The following UNC79 variants were observed in gnomAD, a reference collection of about 807,000 sequenced individuals.
UNC79 encodes the protein protein unc-79 homolog.
A neutral mutation model predicts 283.1 loss-of-function variants in UNC79; 37 were observed. The ratio of observed to expected loss-of-function variants is 0.13; its 90% CI spans 0.10 to 0.17. UNC79 has a LOEUF of 0.17. Ranked by LOEUF, UNC79 falls within the 10% of genes least tolerant of loss-of-function variation. The pLI is 1.00. For synonymous variants in UNC79, 1,107 were observed against 1,200.2 expected (o/e 0.92, Z 1.61); for missense variants, 2,272 against 3,211.1 (o/e 0.71, Z 7.07).
At chr14:93,620,269 CA>C (rs779330012) in intron 29 of UNC79, among the ~76,000 whole-genome samples, 7 of 152,158 alleles carry the variant, frequency 4.6e-5, no homozygotes, top group Non-Finnish European at 1.0e-4. Context: ...TTTACTCTTT[CA>C]GTCCATAATC....
intron 2 of UNC79, among the ~76,000 whole-genome samples, chr14:93,471,254 C>T (rs528183788): frequency 1.1e-3 from 169 of 152,220 alleles, no homozygotes; most frequent in African/African-American, 4.0e-3. Flanking sequence ...TACATAGATT[C>T]AACTCAAATG....
chr14:93,373,440 T>C (rs2054494717), intron 1 of UNC79, among the ~76,000 whole-genome samples: 1 of 151,932 alleles, frequency 6.6e-6, no homozygotes, highest in Non-Finnish European at 1.5e-5. Flanking sequence ...AAATTACTAA[T>C]ATCAGAAGTG....
intron 41 of UNC79, among the ~76,000 whole-genome samples, chr14:93,675,944 C>A (rs1007496727): frequency 2.6e-5 from 4 of 152,298 alleles, no homozygotes; most frequent in South Asian, 2.1e-4. Context: ...TAAAGAGAAA[C>A]CAACTTTGCA....
chr14:93,386,927 CTTTTTTTTTTTTTTTTT>C lies in UNC79; in HGVS notation c.-351+53420_-351+53436del, dbSNP rs35267402. ...TTCATTTCAATTTCATGTATTTCTG[CTTTTTTTTTTTTTTTTT>C]TTTTTTTTTTTTTTTGAGACGGAGT... On this transcript the variant is annotated intron_variant, in intron 1 of 49. Coordinates refer to the UNC79 transcript ENST00000256339. Among the ~76,000 whole-genome samples the C allele has an allele frequency of 8.5e-4, 23 of 27,164 alleles. 2 individuals are homozygous for C. Among genetic ancestry groups the C allele is most frequent in the Non-Finnish European group, 4.3e-4 (7 of 16,378 alleles). 17.8% of individuals were successfully genotyped at this position (27,164 alleles called of 152,430 possible).
At chr14:93,577,013 G>T (rs760405046) in intron 17 of UNC79, among the ~76,000 whole-genome samples, 45 of 117,640 alleles carry the variant, frequency 3.8e-4, no homozygotes, top group Non-Finnish European at 7.9e-4. Flanking sequence ...AGCTGGGCCT[G>T]GTGGAGACCT....
intron 46 of UNC79, among the ~76,000 whole-genome samples, chr14:93,692,307 T>C (rs1217984817): frequency 6.6e-6 from 1 of 152,174 alleles, no homozygotes; most frequent in African/African-American, 2.4e-5. Context: ...CATTCCACAA[T>C]GTATATCTAT....
intron 14 of UNC79, among the ~76,000 whole-genome samples, chr14:93,552,730 T>G (rs1447098367): frequency 6.6e-6 from 1 of 152,180 alleles, no homozygotes; most frequent in African/African-American, 2.4e-5. Flanking sequence ...TGCTGGAACT[T>G]TGTTTTGTAA....
chr14:93,416,027 C>T (rs9740155), intron 1 of UNC79, among the ~76,000 whole-genome samples: 103,806 of 148,440 alleles, frequency 0.7, 36,603 homozygotes, highest in Middle Eastern at 0.77. Flanking sequence ...TCCTTCAGTT[C>T]TGCTCTGATT....
At position 93,678,878 on chromosome 14, in the gene UNC79, A is replaced by C. The variant is rs184079992; in HGVS notation, c.6742-3739A>C. On this transcript the variant is annotated intron_variant, in intron 41 of 48. Transcript: ENST00000555664. ...AGATAGGAAAGAATTTGCTGAATAG[A>C]AAAATGTCATTTCAGAGTCCAAATT... is the stretch of plus-strand genomic sequence containing the variant. Among the ~76,000 whole-genome samples, 15 of 152,358 alleles carry C rather than the reference A, an allele frequency of 9.8e-5. 1 individual carries two copies. In the East Asian group the frequency reaches 2.9e-3, roughly 29 times the overall value.
chr14:93,556,683 AG>A (rs1464815436), intron 14 of UNC79, among the ~76,000 whole-genome samples: 4 of 34,652 alleles, frequency 1.2e-4, no homozygotes, highest in African/African-American at 1.6e-4. Context: ...CAATTGACTG[AG>A]AAAAAAAAAA....
intron 1 of UNC79, among the ~76,000 whole-genome samples, chr14:93,443,879 G>T (rs969566923): frequency 1.3e-5 from 2 of 152,102 alleles, no homozygotes; most frequent in African/African-American, 4.8e-5. Context: ...AATTTGGGTT[G>T]TTTTCAGTTT....
At chr14:93,670,853 A>G (rs2072772341) in intron 40 of UNC79, among the ~76,000 whole-genome samples, 1 of 152,236 alleles carries the variant, frequency 6.6e-6, no homozygotes. Context: ...TACAAAAAGA[A>G]TCAGTTTGGG....
chr14:93,651,733 CCTTTTGTTT>C (rs2070284039), intron 35 of UNC79, among the ~76,000 whole-genome samples: 2 of 151,418 alleles, frequency 1.3e-5, no homozygotes, highest in African/African-American at 4.9e-5. Flanking sequence ...GATCTTTATG[CCTTTTGTTT>C]CTTTTGTTTT....
chr14:93,486,146 T>G (rs1036254775), intron 4 of UNC79, among the ~76,000 whole-genome samples: 2 of 152,210 alleles, frequency 1.3e-5, no homozygotes, highest in Non-Finnish European at 2.9e-5. Context: ...TTCTCTATTA[T>G]GTTTAGAAAT....
At chr14:93,554,297 G>C (rs1056701957) in intron 14 of UNC79, among the ~76,000 whole-genome samples, 2 of 150,144 alleles carry the variant, frequency 1.3e-5, no homozygotes, top group African/African-American at 4.9e-5. Context: ...GCAGTGAGTT[G>C]AGACCATGCC....
chr14:93,611,755 G>A (rs1395156032), intron 26 of UNC79, among the ~76,000 whole-genome samples: 2 of 151,918 alleles, frequency 1.3e-5, no homozygotes, highest in African/African-American at 4.8e-5. Flanking sequence ...ATGTTTCCTT[G>A]CAGAATGAGA....
intron 31 of UNC79, 85 bp downstream of exon 33, chr14:93,630,993 G>T: frequency 8.2e-7 from 1 of 1,226,682 alleles, no homozygotes; most frequent in East Asian, 2.4e-5. Flanking sequence ...TCCCAATCTT[G>T]GTATTGTATA....
Position 93,360,215 on chromosome 14 carries a change from A to G in UNC79, c.-351+26692A>G, listed in dbSNP as rs2054191585. Among the ~76,000 whole-genome samples, 2 of 152,178 alleles carry G rather than the reference A, an allele frequency of 1.3e-5. 1 individual carries two copies. The highest frequency in any genetic ancestry group is 4.1e-4 in the South Asian group (2 of 4,832). The stretch of plus-strand genomic sequence containing the variant: ...CTCCCTGACTGGTAGGATGAGGGCT[A>G]TTATGGTGGTAAGGGCTGAATAGAA... On this transcript the variant is annotated intron_variant, in intron 1 of 49. Transcript: ENST00000256339.
chr14:93,464,016 G>A (rs2057058959), intron 1 of UNC79, among the ~76,000 whole-genome samples: 1 of 152,084 alleles, frequency 6.6e-6, no homozygotes, highest in African/African-American at 2.4e-5. Context: ...GGGCGTGGTG[G>A]TGGGCACCTG....
Sources: allele counts gnomAD v4.1 joint callset (sites outside exome capture counted in the v4.1 genomes callset), GRCh38; gene constraint gnomAD v4.1.1; transcripts MANE v1.5; gene names NCBI Gene and HGNC (gene_info 2026-07-23, HGNC 2026-07-21).